Variants in CYLC2 observed in about 807,000 individuals in gnomAD.
CYLC2 encodes cylicin 2, also known as cylicin-2.
In CYLC2, 30 loss-of-function variants were observed where a neutral mutation model predicts 26.1. The observed-to-expected ratio is 1.15, with a 90% CI of 0.86 to 1.56. CYLC2 has a LOEUF of 1.56. CYLC2 is among the 40% of genes most tolerant of loss of function. The pLI, the probability that CYLC2 is intolerant of heterozygous loss-of-function variation, is 0.00. For synonymous variants in CYLC2, 158 were observed against 132.8 expected (o/e 1.19, Z -1.31); for missense variants, 498 against 394.4 (o/e 1.26, Z -2.23).
At chr9:103,008,610 G>T (rs1183442989) in intron 5 of CYLC2, among the ~76,000 whole-genome samples, 1 of 151,918 alleles carries the variant, frequency 6.6e-6, no homozygotes, top group Admixed American at 6.6e-5. Flanking sequence ...ATTAAATGAC[G>T]TTGGTATCCA....
intron 5 of CYLC2, among the ~76,000 whole-genome samples, chr9:103,011,665 G>C (rs1234252038): frequency 6.6e-6 from 1 of 152,050 alleles, no homozygotes; most frequent in Non-Finnish European, 1.5e-5. Flanking sequence ...CCATTGCTCT[G>C]TGGGTTTATA....
Position 103,004,841 on chromosome 9 carries a change from T to C in CYLC2, c.327T>C (p.Ser109=), listed in dbSNP as rs757613470. The change falls in exon 4 of 8, where the codon TCT becomes TCC. Residue 109 remains serine (S), a synonymous_variant. Coordinates refer to ENST00000374798, the MANE Select transcript of CYLC2 (RefSeq NM_001340.5). ...LKPTRTVEVD[S]KAAEIGKKGE... is the part of the protein sequence containing the mutation. ...CAACTCGTACTGTCGAGGTGGATTCTAAAGCAGCAGGTAGAGATAACTTAC... is the reference window on the plus strand; with the variant it reads ...CAACTCGTACTGTCGAGGTGGATTCCAAAGCAGCAGGTAGAGATAACTTAC... The C allele has an allele frequency of 1.9e-6, 3 of 1,609,324 alleles. No homozygotes were observed. The East Asian group carries it at 6.7e-5, about 36-fold the overall frequency.
At chr9:103,009,701 T>C (rs1829385902) in intron 5 of CYLC2, among the ~76,000 whole-genome samples, 1 of 152,002 alleles carries the variant, frequency 6.6e-6, no homozygotes, top group Non-Finnish European at 1.5e-5. Flanking sequence ...GATTCTCATC[T>C]CTCCTTCAAT....
intron 6 of CYLC2, among the ~76,000 whole-genome samples, chr9:103,013,983 T>G (rs1339915563): frequency 4.9e-5 from 5 of 102,972 alleles, no homozygotes; most frequent in Admixed American, 3.5e-4. Context: ...ATATATTATT[T>G]AATATGATAT....
chr9:103,011,308 T>C (rs1292917248), intron 5 of CYLC2, among the ~76,000 whole-genome samples: 2 of 152,172 alleles, frequency 1.3e-5, no homozygotes, highest in Non-Finnish European at 2.9e-5. Context: ...TGTTTAACTT[T>C]TAGTGTAACT....
chr9:103,005,474 C>G lies in CYLC2; in HGVS notation c.843C>G (p.Asp281Glu), dbSNP rs201302612. The G allele has an allele frequency of 4.3e-6, 7 of 1,613,608 alleles. No individual in the cohort carries two copies. In the East Asian group the frequency reaches 1.6e-4, roughly 36 times the overall value. ...KKDKKKPSST[D>E]SDSKDDVKKE... is the part of the protein sequence containing the mutation. ...ATAAGAAGAAGCCCAGTAGTACAGA[C>G]AGTGACTCAAAGGATGATGTCAAGA... The change falls in exon 5 of 8, where the codon GAC becomes GAG. Residue 281 changes from aspartate to glutamate, a missense_variant. By Grantham distance (45) the Asp-to-Glu change is conservative. Coordinates refer to ENST00000374798, the MANE Select transcript of CYLC2 (RefSeq NM_001340.5).
chr9:102,997,827 G>A (rs1384480502), intron 1 of CYLC2, among the ~76,000 whole-genome samples: 1 of 151,798 alleles, frequency 6.6e-6, no homozygotes, highest in Non-Finnish European at 1.5e-5. Context: ...ATATAACCCA[G>A]ACTAAAAGGA....
In CYLC2 at chr9:103,005,271, G is replaced by C. The variant is rs769833040; in HGVS notation, c.640G>C (p.Glu214Gln). 1 of 1,613,318 alleles carries C rather than the reference G, an allele frequency of 6.2e-7. No individual in the cohort carries two copies. The highest frequency in any genetic ancestry group is 8.5e-7 in the Non-Finnish European group (1 of 1,179,840). ...ATCTGAAGGTGAAAAAGGAGGTACA[G>C]AGAAAGATAGCAAAAAAGGTAAAAA... ...TESEGEKGGT[E>Q]KDSKKGKKDS... Residue 214 changes from glutamate (E) to glutamine (Q), a missense_variant, in exon 5 of 8, where the codon GAG (glutamate) becomes CAG (glutamine). Transcript: ENST00000374798.
At chr9:103,013,737 A>C (rs1829447989) in intron 6 of CYLC2, among the ~76,000 whole-genome samples, 1 of 111,128 alleles carries the variant, frequency 9.0e-6, no homozygotes, top group Non-Finnish European at 1.6e-5. Context: ...TTTATATATA[A>C]TTATATATTA....
At position 103,007,127 on chromosome 9, in the gene CYLC2, A is replaced by G. The variant is rs560097738; in HGVS notation, c.*700+749A>G. 2.9e-4 allele frequency among the ~76,000 whole-genome samples: 44 copies of G among 152,208 alleles called. 1 individual carries two copies. In the South Asian group the frequency reaches 9.1e-3, roughly 32 times the overall value. On this transcript the variant is annotated intron_variant, in intron 5 of 7. Transcript: ENST00000374798. ...CTTATATTATCTCTGTAATTTTCTG[A>G]GTAAATTTCTTTTAGAATTTTATGA... is the stretch of plus-strand genomic sequence containing the variant.
intron 6 of CYLC2, among the ~76,000 whole-genome samples, chr9:103,015,236 T>A (rs1829486224): frequency 8.1e-6 from 1 of 123,002 alleles, no homozygotes; most frequent in Non-Finnish European, 1.6e-5. Context: ...TATATTTATA[T>A]ATAATCTGAT....
In CYLC2 at chr9:103,004,783, T is replaced by C; in HGVS notation, c.269T>C (p.Val90Ala). 6.2e-7 allele frequency: 1 copy of C among 1,612,702 alleles called. No individual in the cohort carries two copies. The highest frequency in any genetic ancestry group is 8.5e-7 in the Non-Finnish European group (1 of 1,179,396). Reference protein sequence around the residue: ...SLMRISERPSVYLAARRQPLK... With the variant: ...SLMRISERPSAYLAARRQPLK... ...ATGAGAATTTCTGAGAGACCATCTG[T>C]TTATTTAGCTGCCAGGAGGCAGCCT... is the stretch of plus-strand genomic sequence containing the variant. The change falls in exon 4 of 8, where the codon GTT (valine) becomes GCT (alanine). Residue 90 changes from valine to alanine, a missense_variant. Val to Ala is a moderately conservative substitution (Grantham distance 64, BLOSUM62 0). Coordinates refer to ENST00000374798, the MANE Select transcript of CYLC2 (RefSeq NM_001340.5).
chr9:103,018,069 G>A (rs370472315), intron 7 of CYLC2, among the ~76,000 whole-genome samples: 1 of 151,992 alleles, frequency 6.6e-6, no homozygotes, highest in African/African-American at 2.4e-5. Flanking sequence ...ATCCCACAAC[G>A]AAGGTATATG....
At chr9:103,008,328 G>T (rs964902283) in intron 5 of CYLC2, among the ~76,000 whole-genome samples, 3 of 151,712 alleles carry the variant, frequency 2.0e-5, no homozygotes, top group Non-Finnish European at 2.9e-5. Flanking sequence ...TTTTATTCCA[G>T]TACCTCTTCA....
In CYLC2 at chr9:103,005,576, AAAGAAGGATGCAAAGAAAAATGCT is replaced by A; in HGVS notation, c.963_986del (p.Asn322_Lys329del). ...ATACTGAGAAAGAATCTGCTGATTCAAAGAAGGATGCAAAGAAAAATGCTAAGAAGGATGCAAAGAAGGATGCAA... is the reference window on the plus strand; with the variant it reads ...ATACTGAGAAAGAATCTGCTGATTCAAAGAAGGATGCAAAGAAGGATGCAA... On this transcript the variant is annotated inframe_deletion, in exon 5 of 8. Transcript: ENST00000374798. 4 of 1,609,370 alleles carry A rather than the reference AAAGAAGGATGCAAAGAAAAATGCT, an allele frequency of 2.5e-6. No homozygotes were observed. The highest frequency in any genetic ancestry group is 3.4e-6 in the Non-Finnish European group (4 of 1,176,932).
At chr9:103,013,219 T>G (rs968332521) in intron 6 of CYLC2, among the ~76,000 whole-genome samples, 41 of 61,724 alleles carry the variant, frequency 6.6e-4, no homozygotes, top group African/African-American at 2.2e-3. Context: ...TATATTAATA[T>G]GTATATTATA....
intron 6 of CYLC2, among the ~76,000 whole-genome samples, chr9:103,013,835 A>G (rs1423191224): frequency 1.8e-5 from 2 of 112,186 alleles, no homozygotes; most frequent in East Asian, 2.9e-4. Flanking sequence ...TATATAATAT[A>G]TAATAAAGAT....
At chr9:103,013,446 T>C (rs1352349978) in intron 6 of CYLC2, among the ~76,000 whole-genome samples, 1 of 95,734 alleles carries the variant, frequency 1.0e-5, no homozygotes, top group East Asian at 3.1e-4. Flanking sequence ...AATACAGAAA[T>C]ATATATTTAT....
Position 103,001,567 on chromosome 9 carries a change from TG to T in CYLC2, c.18-10del. ...TAAATTAACTAAAACCTTTCTTTTT[TG>T]TTTTAATAGCCAAAGAGTAAACTTT... is the stretch of plus-strand genomic sequence containing the variant. On this transcript the variant is annotated splice_polypyrimidine_tract_variant and intron_variant, in intron 1 of 7. Transcript: ENST00000374798. 1 of 1,315,854 alleles carries T rather than the reference TG, an allele frequency of 7.6e-7. No individual in the cohort carries two copies. The highest frequency in any genetic ancestry group is 1.0e-6 in the Non-Finnish European group (1 of 955,852). The allele number at this position is 1,315,854 out of a possible 1,614,324, so 81.5% of individuals were successfully genotyped here.
Sources: gnomAD v4.1 joint callset for allele counts (sites outside exome capture counted in the v4.1 genomes callset) on GRCh38, gnomAD v4.1.1 for gene constraint, MANE v1.5 for transcripts, NCBI Gene and HGNC (gene_info 2026-07-23, HGNC 2026-07-21) for gene names.